Variants in DNAJC1 observed in about 807,000 individuals in gnomAD.
The protein encoded by DNAJC1 is DnaJ heat shock protein family (Hsp40) member C1, also known as dnaJ homolog subfamily C member 1.
DNAJC1 carries 58 observed loss-of-function variants against 76.6 expected under a neutral mutation model. The ratio of observed to expected loss-of-function variants is 0.76; its 90% CI spans 0.61 to 0.94. The LOEUF is 0.94. Among genes scored for constraint, DNAJC1 ranks in the 40% least tolerant of loss-of-function variants. The pLI is 0.00. For missense variants in DNAJC1, 689 were observed against 677.3 expected, an observed-to-expected ratio of 1.02 and a Z score of -0.19; for synonymous variants, 258 against 267.9, an observed-to-expected ratio of 0.96 and a Z score of 0.36.
At chr10:21,771,585 G>A (rs1834378379) in intron 9 of DNAJC1, among the ~76,000 whole-genome samples, 6 of 152,002 alleles carry the variant, frequency 3.9e-5, no homozygotes, top group Admixed American at 3.9e-4. Flanking sequence ...TGCAACCTCT[G>A]CCTCTGGGTT....
intron 1 of DNAJC1, among the ~76,000 whole-genome samples, chr10:21,941,126 A>T (rs1031114740): frequency 2.0e-5 from 3 of 149,206 alleles, no homozygotes; most frequent in Admixed American, 6.7e-5. Flanking sequence ...AAAATTAGCC[A>T]GGCGTGGTGG....
chr10:21,816,117 C>G (rs1047164901), intron 8 of DNAJC1, among the ~76,000 whole-genome samples: 1 of 151,516 alleles, frequency 6.6e-6, no homozygotes, highest in Non-Finnish European at 1.5e-5. Context: ...CCTGTAATCC[C>G]AGCACTTTGG....
intron 9 of DNAJC1, among the ~76,000 whole-genome samples, chr10:21,804,744 A>T (rs1044712297): frequency 6.6e-6 from 1 of 152,034 alleles, no homozygotes; most frequent in African/African-American, 2.4e-5. Context: ...AATATTGCTA[A>T]ACGTCTTATA....
chr10:21,856,976 T>C (rs1266726765), intron 8 of DNAJC1, among the ~76,000 whole-genome samples: 2 of 152,086 alleles, frequency 1.3e-5, no homozygotes, highest in African/African-American at 4.8e-5. Flanking sequence ...TCTCAGGTGA[T>C]CCACCCACCT....
chr10:21,759,962 C>A (rs777539824), intron 10 of DNAJC1, among the ~76,000 whole-genome samples: 2 of 152,160 alleles, frequency 1.3e-5, no homozygotes, highest in Non-Finnish European at 2.9e-5. Flanking sequence ...ACCTGCTACT[C>A]AGTATAAGAA....
intron 1 of DNAJC1, among the ~76,000 whole-genome samples, chr10:21,955,844 T>C (rs1412519971): frequency 6.6e-5 from 10 of 152,326 alleles, no homozygotes; most frequent in African/African-American, 2.2e-4. Context: ...CATGCTAACA[T>C]AGAAAATAAC....
Position 22,003,323 on chromosome 10 carries a change from GCAGCAGCAGCAGCCA to G in DNAJC1, c.97_111del (p.Trp33_Leu37del). Reference sequence around the variant, plus strand: ...CGCGCCGGCGCCACGGCGGCCAGCAGCAGCAGCAGCAGCCACAGCAGCGGCGTCCGCGGCGGCGGC... The same window carrying G: ...CGCGCCGGCGCCACGGCGGCCAGCAGCAGCAGCGGCGTCCGCGGCGGCGGC... On this transcript the variant is annotated inframe_deletion, in exon 1 of 12. Transcript: ENST00000376980. 6.6e-7 allele frequency: 1 copy of G among 1,516,654 alleles called. No homozygotes were observed. Among genetic ancestry groups the G allele is most frequent in the Middle Eastern group, 1.8e-4 (1 of 5,566 alleles). The allele number at this position is 1,516,654 out of a possible 1,614,324, so 93.9% of individuals were successfully genotyped here.
chr10:21,962,390 T>C (rs1437113933), intron 1 of DNAJC1, among the ~76,000 whole-genome samples: 1 of 150,378 alleles, frequency 6.6e-6, no homozygotes, highest in Non-Finnish European at 1.5e-5. Context: ...GAGATGGCTC[T>C]ATTTTTACTC....
intron 9 of DNAJC1, among the ~76,000 whole-genome samples, chr10:21,771,763 G>A (rs557115664): frequency 5.3e-5 from 8 of 152,286 alleles, no homozygotes; most frequent in South Asian, 2.1e-4. Context: ...CTCCCAAAGC[G>A]TTGGTATTAC....
chr10:21,866,461 C>CA (rs2131703995), intron 8 of DNAJC1, among the ~76,000 whole-genome samples: 1 of 152,028 alleles, frequency 6.6e-6, no homozygotes, highest in South Asian at 2.1e-4. Context: ...TAAACTGCAA[C>CA]ACTTTATATA....
chr10:21,968,668 G>A (rs967064318), intron 1 of DNAJC1, among the ~76,000 whole-genome samples: 4 of 151,650 alleles, frequency 2.6e-5, no homozygotes, highest in African/African-American at 4.8e-5. Flanking sequence ...CCGCCACCAC[G>A]CCCGGCTAAT....
chr10:21,759,984 G>A (rs191478631), intron 10 of DNAJC1, among the ~76,000 whole-genome samples: 1 of 152,200 alleles, frequency 6.6e-6, no homozygotes, highest in Non-Finnish European at 1.5e-5. Context: ...GGATTCACTG[G>A]CTCCACTGGA....
At chr10:21,797,596 T>C (rs1398242623) in intron 9 of DNAJC1, among the ~76,000 whole-genome samples, 2 of 152,130 alleles carry the variant, frequency 1.3e-5, no homozygotes, top group Non-Finnish European at 2.9e-5. Flanking sequence ...TGTTGAGAGG[T>C]GGGACCTTTA....
In DNAJC1 at chr10:21,759,335, G is replaced by A. The variant is rs764823623; in HGVS notation, c.1431C>T (p.Asn477=). 2.4e-5 allele frequency: 39 copies of A among 1,614,062 alleles called. No homozygotes were observed. In the Admixed American group the frequency reaches 2.8e-4, roughly 12 times the overall value. The change falls in exon 11 of 12, where the codon AAC becomes AAT. Residue 477 remains asparagine (N), a synonymous_variant. Transcript: ENST00000376980. ...RQKDFDIAEQ[N]ESSDEESLRK... The stretch of plus-strand genomic sequence containing the variant: ...TCAGGCTCTCCTCGTCGCTGGACTC[G>A]TTTTGTTCTGCTATGTCAAAGTCCT...
intron 3 of DNAJC1, among the ~76,000 whole-genome samples, chr10:21,928,158 A>G (rs150059298): frequency 7.2e-5 from 11 of 152,334 alleles, no homozygotes; most frequent in Non-Finnish European, 1.5e-4. Flanking sequence ...AGGCACAGAT[A>G]GGAGCTATTA....
chr10:21,886,978 A>G (rs551742636), intron 7 of DNAJC1, among the ~76,000 whole-genome samples: 3 of 152,196 alleles, frequency 2.0e-5, no homozygotes, highest in Non-Finnish European at 2.9e-5. Flanking sequence ...ACATGATTCT[A>G]TATCTAGAAA....
chr10:21,963,529 A>G (rs943558966), intron 1 of DNAJC1, among the ~76,000 whole-genome samples: 7 of 152,346 alleles, frequency 4.6e-5, no homozygotes, highest in African/African-American at 1.7e-4. Flanking sequence ...GAAAACTATT[A>G]TGTAAAAATC....
intron 8 of DNAJC1, among the ~76,000 whole-genome samples, chr10:21,828,586 A>T (rs1457183427): frequency 2.6e-5 from 4 of 152,232 alleles, no homozygotes; most frequent in African/African-American, 9.7e-5. Flanking sequence ...ATAGAAGTAG[A>T]ACCAATAACA....
At chr10:21,856,532 C>T (rs763721804) in intron 8 of DNAJC1, among the ~76,000 whole-genome samples, 2 of 151,992 alleles carry the variant, frequency 1.3e-5, no homozygotes, top group Admixed American at 6.6e-5. Context: ...AAATCAGCCA[C>T]GGTGGGAGAA....
Sources: gnomAD v4.1 joint callset for allele counts (sites outside exome capture counted in the v4.1 genomes callset) on GRCh38, gnomAD v4.1.1 for gene constraint, MANE v1.5 for transcripts, NCBI Gene and HGNC (gene_info 2026-07-23, HGNC 2026-07-21) for gene names.